GRAMD4: variants seen among roughly 807,000 people sequenced by gnomAD.
The protein encoded by GRAMD4 is GRAM domain-containing protein 4.
GRAMD4 carries 25 observed loss-of-function variants against 83.9 expected under a neutral mutation model. The observed-to-expected ratio is 0.30, with a 90% CI of 0.22 to 0.42. The LOEUF (loss-of-function observed/expected upper bound fraction) is 0.42, where lower values mean the gene tolerates loss of function less well. Ranked by LOEUF, GRAMD4 falls within the 10% of genes least tolerant of loss-of-function variation. GRAMD4 has a pLI of 1.00. For synonymous variants in GRAMD4, 336 were observed against 320.9 expected, an observed-to-expected ratio of 1.05 and a Z score of -0.50; for missense variants, 593 against 788.7, an observed-to-expected ratio of 0.75 and a Z score of 2.97.
Position 46,659,424 on chromosome 22 carries a change from C to G in GRAMD4, c.404+1117C>G, listed in dbSNP as rs574646811. Among the ~76,000 whole-genome samples the G allele has an allele frequency of 1.7e-3, 260 of 152,336 alleles. 1 individual carries two copies. The highest frequency in any genetic ancestry group is 3.4e-3 in the Non-Finnish European group (234 of 68,038). ...CAGCCTCCCACCACCATTGGCCACACCTTTGTCTGTGGCCCCCATGACCTG... is the reference window on the plus strand; with the variant it reads ...CAGCCTCCCACCACCATTGGCCACAGCTTTGTCTGTGGCCCCCATGACCTG... On this transcript the variant is annotated intron_variant, in intron 4 of 18. Coordinates refer to ENST00000406902, the MANE Select transcript of GRAMD4 (RefSeq NM_015124.5). The surrounding 1 kb of genome is among the most constrained non-coding windows in gnomAD (Gnocchi z 4.1).
rs2082529357 is a variant in GRAMD4, at chr22:46,672,732, C to T, written c.1085-111C>T. ...GCAGCTGGACTCTCACATCCAGGCT[C>T]AGGGTGGAGGGTGCCAATCTGGGAG... is the stretch of plus-strand genomic sequence containing the variant. On this transcript the variant is annotated intron_variant, in intron 13 of 18. Transcript: ENST00000406902. This position sits in a 1 kb window ranked among gnomAD's most constrained non-coding sequence, Gnocchi z 4.7. 1 of 795,196 alleles carries T rather than the reference C, an allele frequency of 1.3e-6. No homozygotes were observed. Among genetic ancestry groups the T allele is most frequent in the South Asian group, 1.6e-5 (1 of 60,740 alleles). The allele number at this position is 795,196 out of a possible 1,614,324, so 49.3% of individuals were successfully genotyped here.
intron 3 of GRAMD4, among the ~76,000 whole-genome samples, chr22:46,646,300 C>T (rs1467083876): frequency 1.3e-5 from 2 of 152,306 alleles, no homozygotes; most frequent in Middle Eastern, 3.4e-3. Flanking sequence ...CTCCTGAGCC[C>T]CTGATGCTCC....
upstream of GRAMD4, among the ~76,000 whole-genome samples, chr22:46,615,805 G>A (rs372140207): frequency 3.4e-5 from 2 of 58,208 alleles, no homozygotes; most frequent in African/African-American, 7.4e-5. Flanking sequence ...CCCGTGTGTA[G>A]GTTCCCCTGT....
At chr22:46,601,835 G>C (rs1389496862) in intron 1 of GRAMD4, among the ~76,000 whole-genome samples, 1 of 152,100 alleles carries the variant, frequency 6.6e-6, no homozygotes, top group African/African-American at 2.4e-5. Context: ...TTAGTTTACT[G>C]TGGAATAGTT....
intron 1 of GRAMD4, among the ~76,000 whole-genome samples, chr22:46,582,971 C>G (rs1033614042): frequency 6.6e-6 from 1 of 152,228 alleles, no homozygotes; most frequent in Non-Finnish European, 1.5e-5. Context: ...GTTGCCCAGG[C>G]TGGAGTGCAA....
At chr22:46,658,348 C>A in intron 4 of GRAMD4, 41 bp downstream of exon 4, 1 of 1,523,784 alleles carries the variant, frequency 6.6e-7, no homozygotes, top group South Asian at 1.2e-5. Context: ...TGTGCGGCTG[C>A]CCCAACCCCC....
chr22:46,668,808 G>A lies in GRAMD4; in HGVS notation c.984G>A (p.Met328Ile). Residue 328 changes from methionine (M) to isoleucine (I), a missense_variant, in exon 13 of 19, where the codon ATG becomes ATA. By Grantham distance (10) the Met-to-Ile change is conservative (BLOSUM62 1). Around this residue, in one of 4 missense-constraint regions of GRAMD4, gnomAD observed 171 missense variants for 199.6 expected, o/e 0.86. Transcript: ENST00000406902. ...DILEKIKNLF[M>I]WVQPEITQKL... ...TCCCGTCTCCTTCCAGCTTGTTCAT[G>A]TGGGTCCAGCCGGAGATCACACAGA... 1 of 1,611,396 alleles carries A rather than the reference G, an allele frequency of 6.2e-7. No individual in the cohort carries two copies. The highest frequency in any genetic ancestry group is 8.5e-7 in the Non-Finnish European group (1 of 1,179,002).
chr22:46,632,808 C>T (rs1331894402), intron 2 of GRAMD4, among the ~76,000 whole-genome samples: 3 of 152,168 alleles, frequency 2.0e-5, no homozygotes, highest in African/African-American at 7.2e-5. Context: ...CCATTGGAGA[C>T]AGGGTTGGCA....
chr22:46,599,212 A>C (rs1007612122), intron 1 of GRAMD4, among the ~76,000 whole-genome samples: 2 of 152,182 alleles, frequency 1.3e-5, no homozygotes, highest in Non-Finnish European at 2.9e-5. Flanking sequence ...GGGCGCAGAC[A>C]GGGCCTGTGT....
intron 1 of GRAMD4, among the ~76,000 whole-genome samples, chr22:46,595,463 G>T (rs1252707962): frequency 6.6e-6 from 1 of 152,272 alleles, no homozygotes; most frequent in Non-Finnish European, 1.5e-5. Flanking sequence ...CTGGAAAGGG[G>T]AGGTGGCGCC....
chr22:46,660,697 C>T (rs1418505004), intron 4 of GRAMD4, among the ~76,000 whole-genome samples: 1 of 152,230 alleles, frequency 6.6e-6, no homozygotes, highest in Non-Finnish European at 1.5e-5. Flanking sequence ...TTCCTGCCCG[C>T]TGCTTACCTG....
At chr22:46,671,533 G>A (rs1326719862) in intron 13 of GRAMD4, among the ~76,000 whole-genome samples, 1 of 151,602 alleles carries the variant, frequency 6.6e-6, no homozygotes, top group Non-Finnish European at 1.5e-5. Flanking sequence ...GCAGGCGCCT[G>A]TAGTCCCAGC....
chr22:46,680,109 G>A (rs1392663346), downstream of GRAMD4, among the ~76,000 whole-genome samples: 1 of 152,228 alleles, frequency 6.6e-6, no homozygotes, highest in Non-Finnish European at 1.5e-5. Context: ...ACAGGGCGAA[G>A]TGGGGGAGGT....
intron 2 of GRAMD4, 112 bp downstream of exon 2, chr22:46,627,073 A>G: frequency 1.3e-6 from 1 of 750,020 alleles, no homozygotes; most frequent in Non-Finnish European, 2.3e-6. Context: ...CTGGTCAGAG[A>G]TGGACTGGGC....
At position 46,679,386 on chromosome 22, in the gene GRAMD4, G is replaced by C. The variant is rs1345613114; in HGVS notation, c.*2135G>C. On this transcript the variant is annotated 3_prime_UTR_variant, in exon 19 of 19. Coordinates refer to ENST00000406902, the MANE Select transcript of GRAMD4 (RefSeq NM_015124.5). ...GAGGGCCACATTCGGGGAGCGGGGG[G>C]TCGGGGGAGGGCCACCGACTGGCTC... 2.0e-6 allele frequency: 2 copies of C among 985,316 alleles called. No homozygotes were observed. The highest frequency in any genetic ancestry group is 1.2e-6 in the Non-Finnish European group (1 of 829,938). 61.0% of individuals were successfully genotyped at this position (985,316 alleles called of 1,614,324 possible). A position where few individuals can be genotyped will look rare whatever the true frequency, so the allele number is the denominator to read the frequency against.
intron 1 of GRAMD4, among the ~76,000 whole-genome samples, chr22:46,587,573 A>G (rs905415944): frequency 1.3e-5 from 2 of 151,720 alleles, no homozygotes; most frequent in Non-Finnish European, 2.9e-5. Context: ...CCAGCAGCAT[A>G]CCTGGCAGGC....
chr22:46,637,745 A>G, intron 2 of GRAMD4, 95 bp from the exon 3 acceptor site: 1 of 1,391,824 alleles, frequency 7.2e-7, no homozygotes, highest in Non-Finnish European at 9.8e-7. Flanking sequence ...CACTGCTGCC[A>G]TCCTGGGGCC....
chr22:46,582,191 G>T (rs1270859790), intron 1 of GRAMD4, among the ~76,000 whole-genome samples: 1 of 152,166 alleles, frequency 6.6e-6, no homozygotes, highest in Non-Finnish European at 1.5e-5. Context: ...CAGAGCGTGG[G>T]GCTGCTGGGA....
chr22:46,673,085 G>A (rs1250753656), intron 14 of GRAMD4, 88 bp downstream of exon 14: 8 of 1,081,172 alleles, frequency 7.4e-6, no homozygotes, highest in African/African-American at 3.2e-5. Flanking sequence ...GTTCACCTCC[G>A]GCTCATTTAG....
Sources: gnomAD v4.1 joint callset for allele counts (sites outside exome capture counted in the v4.1 genomes callset) on GRCh38, gnomAD v4.1.1 for gene constraint, gnomAD v4.1.1 regional missense constraint, Gnocchi (gnomAD v3.1) non-coding constraint, MANE v1.5 for transcripts, NCBI Gene and HGNC (gene_info 2026-07-23, HGNC 2026-07-21) for gene names.